Variants in KCNC1 observed in about 807,000 individuals in gnomAD.
KCNC1 encodes the protein potassium voltage-gated channel subfamily C member 1.
A neutral mutation model predicts 43.4 loss-of-function variants in KCNC1; 8 were observed. That is an observed-to-expected ratio of 0.18 (90% CI 0.11 to 0.33). The LOEUF is 0.33. Ranked by LOEUF, KCNC1 falls within the 10% of genes least tolerant of loss-of-function variation. The pLI, the probability that KCNC1 is intolerant of heterozygous loss-of-function variation, is 1.00. For synonymous variants in KCNC1, 361 were observed against 360.5 expected, an observed-to-expected ratio of 1.00 and a Z score of -0.01; for missense variants, 420 against 836.0, an observed-to-expected ratio of 0.50 and a Z score of 6.14.
intron 1 of KCNC1, among the ~76,000 whole-genome samples, chr11:17,768,949 A>T (rs1849190444): frequency 6.6e-6 from 1 of 152,188 alleles, no homozygotes; most frequent in Non-Finnish European, 1.5e-5. Context: ...GGTGATGGAG[A>T]GAGCTCTGGA....
intron 1 of KCNC1, among the ~76,000 whole-genome samples, chr11:17,758,313 A>T (rs572449849): frequency 8.4e-4 from 128 of 152,330 alleles, no homozygotes; most frequent in African/African-American, 2.9e-3. Flanking sequence ...TGCTATTTTC[A>T]TCACATCTGC....
chr11:17,753,695 C>T lies in KCNC1; in HGVS notation c.570+17123C>T, dbSNP rs182203354. Among the ~76,000 whole-genome samples the T allele has an allele frequency of 2.1e-3, 297 of 141,632 alleles. 1 individual carries two copies. The highest frequency in any genetic ancestry group is 7.0e-3 in the Middle Eastern group (2 of 286). 92.9% of individuals were successfully genotyped at this position (141,632 alleles called of 152,430 possible). On this transcript the variant is annotated intron_variant, in intron 1 of 3. Transcript: ENST00000265969. ...AGCCCAGGCTGGCTGGGCCAGGCCCCGGCGTGGGGGGTGGGGAGGGGGCGG... is the reference window on the plus strand; with the variant it reads ...AGCCCAGGCTGGCTGGGCCAGGCCCTGGCGTGGGGGGTGGGGAGGGGGCGG...
At chr11:17,750,736 G>T (rs533462743) in intron 1 of KCNC1, among the ~76,000 whole-genome samples, 1 of 152,230 alleles carries the variant, frequency 6.6e-6, no homozygotes, top group South Asian at 2.1e-4. Flanking sequence ...CACTGAGAAT[G>T]CCCACTCCTC....
At chr11:17,752,700 T>C (rs1391856815) in intron 1 of KCNC1, among the ~76,000 whole-genome samples, 2 of 152,356 alleles carry the variant, frequency 1.3e-5, no homozygotes, top group Middle Eastern at 3.4e-3. Context: ...CACTTCCCGG[T>C]TGTATGACCA....
rs1012184305 is a variant in KCNC1, at chr11:17,782,556, C to G, written c.*822C>G. 2 of 152,108 alleles carry G rather than the reference C, an allele frequency of 1.3e-5. No homozygotes were observed. Among genetic ancestry groups the G allele is most frequent in the African/African-American group, 4.8e-5 (2 of 41,406 alleles). 9.4% of individuals were successfully genotyped at this position (152,108 alleles called of 1,614,324 possible). On this transcript the variant is annotated 3_prime_UTR_variant, in exon 4 of 4. Coordinates refer to ENST00000265969, the MANE Select transcript of KCNC1 (RefSeq NM_001112741.2). ...CCACCGTATGGATTTTCCAAGTGTT[C>G]CATTAAAACCAGGATGTAGAGCACC... is the stretch of plus-strand genomic sequence containing the variant.
In KCNC1 at chr11:17,777,630, G is replaced by A; in HGVS notation, c.1505-1826G>A. On this transcript the variant is annotated intron_variant, in intron 2 of 3. Transcript: ENST00000265969. The surrounding 1 kb of genome is among the most constrained non-coding windows in gnomAD (Gnocchi z 4.3). ...GACGCCCCGGCCCCAGTCACATGGTGTCAGAGTTACCTTGGCAACTGGCCT... is the reference window on the plus strand; with the variant it reads ...GACGCCCCGGCCCCAGTCACATGGTATCAGAGTTACCTTGGCAACTGGCCT... 6.1e-6 allele frequency: 6 copies of A among 985,940 alleles called. No homozygotes were observed. The highest frequency in any genetic ancestry group is 7.2e-6 in the Non-Finnish European group (6 of 829,964). The allele number at this position is 985,940 out of a possible 1,614,324, so 61.1% of individuals were successfully genotyped here.
chr11:17,739,758 A>G lies in KCNC1; in HGVS notation c.570+3186A>G, dbSNP rs1174207876. Among the ~76,000 whole-genome samples, 3 of 151,732 alleles carry G rather than the reference A, an allele frequency of 2.0e-5. No homozygotes were observed. Among genetic ancestry groups the G allele is most frequent in the Non-Finnish European group, 4.4e-5 (3 of 67,914 alleles). ...TGTGGGGTGGGGGTCCCTGTGTGTGACAGACTGTATGTGAAGGTGTGTGTA... is the reference window on the plus strand; with the variant it reads ...TGTGGGGTGGGGGTCCCTGTGTGTGGCAGACTGTATGTGAAGGTGTGTGTA... On this transcript the variant is annotated intron_variant, in intron 1 of 3. Coordinates refer to ENST00000265969, the MANE Select transcript of KCNC1 (RefSeq NM_001112741.2). The surrounding 1 kb of genome is among the most constrained non-coding windows in gnomAD (Gnocchi z 4.2).
chr11:17,738,981 C>T (rs1022593033), intron 1 of KCNC1, among the ~76,000 whole-genome samples: 7 of 152,194 alleles, frequency 4.6e-5, no homozygotes, highest in Non-Finnish European at 1.0e-4. Context: ...CAAGGGCACT[C>T]GGGAGCTGAG....
chr11:17,767,647 A>G (rs1010606797), intron 1 of KCNC1, among the ~76,000 whole-genome samples: 1 of 152,228 alleles, frequency 6.6e-6, no homozygotes, highest in Non-Finnish European at 1.5e-5. Context: ...CTTCCTCCAC[A>G]GCACTCTAAG....
intron 1 of KCNC1, among the ~76,000 whole-genome samples, chr11:17,738,609 C>T (rs1848798000): frequency 6.6e-6 from 1 of 152,236 alleles, no homozygotes; most frequent in Non-Finnish European, 1.5e-5. Flanking sequence ...TTCCAACCCC[C>T]TCCCCTGGCC....
chr11:17,775,747 C>G (rs763211449), intron 2 of KCNC1: 3 of 985,776 alleles, frequency 3.0e-6, no homozygotes, highest in South Asian at 9.4e-5. Context: ...CAGGGTCCCA[C>G]GTCAGTGAGC....
At position 17,776,779 on chromosome 11, in the gene KCNC1, TTCCC is replaced by T. The variant is rs1849293385; in HGVS notation, c.1505-2676_1505-2673del. On this transcript the variant is annotated intron_variant, in intron 2 of 3. Coordinates refer to ENST00000265969, the MANE Select transcript of KCNC1 (RefSeq NM_001112741.2). The surrounding 1 kb of genome is among the most constrained non-coding windows in gnomAD (Gnocchi z 4.4). ...TCACACCTTTGACCCTATTCATGGGTTCCCCAGATTTATACAGTTGGCCCCTCGT... is the reference window on the plus strand; with the variant it reads ...TCACACCTTTGACCCTATTCATGGGTCAGATTTATACAGTTGGCCCCTCGT... 1 of 984,526 alleles carries T rather than the reference TTCCC, an allele frequency of 1.0e-6. No homozygotes were observed. Among genetic ancestry groups the T allele is most frequent in the African/African-American group, 1.8e-5 (1 of 56,948 alleles). 61.0% of individuals were successfully genotyped at this position (984,526 alleles called of 1,614,324 possible). A position where few individuals can be genotyped will look rare whatever the true frequency, so the allele number is the denominator to read the frequency against.
rs760566813 is a variant in KCNC1 at position 17,777,611 on chromosome 11, C to G, written c.1505-1845C>G. The G allele has an allele frequency of 7.2e-5, 71 of 985,888 alleles. No homozygotes were observed. The highest frequency in any genetic ancestry group is 6.1e-4 in the Admixed American group (10 of 16,294). The allele number at this position is 985,888 out of a possible 1,614,324, so 61.1% of individuals were successfully genotyped here. ...CATGCCCCAAGACCCCAGAGACGCC[C>G]CGGCCCCAGTCACATGGTGTCAGAG... On this transcript the variant is annotated intron_variant, in intron 2 of 3. Transcript: ENST00000265969. The surrounding 1 kb of genome is among the most constrained non-coding windows in gnomAD (Gnocchi z 4.3).
At chr11:17,754,136 C>G (rs1321817323) in intron 1 of KCNC1, among the ~76,000 whole-genome samples, 1 of 152,224 alleles carries the variant, frequency 6.6e-6, no homozygotes, top group Non-Finnish European at 1.5e-5. Flanking sequence ...TGCCTGCTGC[C>G]AGTGTAGACA....
In KCNC1 at chr11:17,739,787, C is replaced by T. The variant is rs146072118; in HGVS notation, c.570+3215C>T. On this transcript the variant is annotated intron_variant, in intron 1 of 3. Transcript: ENST00000265969. This position sits in a 1 kb window ranked among gnomAD's most constrained non-coding sequence, Gnocchi z 4.2. The stretch of plus-strand genomic sequence containing the variant: ...ACTGTATGTGAAGGTGTGTGTAAGA[C>T]AGAGATTGTGTGTGAAATCCTGTGT... 3.3e-4 allele frequency among the ~76,000 whole-genome samples: 50 copies of T among 151,560 alleles called. No individual in the cohort carries two copies. The highest frequency in any genetic ancestry group is 6.6e-4 in the Admixed American group (10 of 15,218).
chr11:17,737,994 T>C (rs1025589394), intron 1 of KCNC1, among the ~76,000 whole-genome samples: 1 of 149,880 alleles, frequency 6.7e-6, no homozygotes, highest in Non-Finnish European at 1.5e-5. Context: ...AAAAACAGTA[T>C]GGTATGTCGG....
Position 17,771,833 on chromosome 11 carries a change from T to C in KCNC1, c.739T>C (p.Tyr247His). 6.2e-7 allele frequency: 1 copy of C among 1,614,192 alleles called. No homozygotes were observed. The highest frequency in any genetic ancestry group is 1.3e-5 in the African/African-American group (1 of 75,066). Residue 247 changes from tyrosine to histidine, a missense_variant, in exon 2 of 4, where the codon TAC becomes CAC. By Grantham distance (83) the Tyr-to-His change is moderately conservative. Coordinates refer to ENST00000265969, the MANE Select transcript of KCNC1 (RefSeq NM_001112741.2). The surrounding 1 kb of genome is among the most constrained non-coding windows in gnomAD (Gnocchi z 4.7). The part of the protein sequence containing the change: ...REAETEAFLT[Y>H]IEGVCVVWFT... The stretch of plus-strand genomic sequence containing the variant: ...GGCCGAGACGGAGGCCTTCCTTACC[T>C]ACATCGAGGGCGTCTGTGTGGTCTG...
At chr11:17,778,242 G>A (rs887898673) in intron 2 of KCNC1, among the ~76,000 whole-genome samples, 11 of 152,306 alleles carry the variant, frequency 7.2e-5, no homozygotes, top group African/African-American at 2.6e-4. Context: ...AGGCTTCCAC[G>A]GCTCTGCTCC....
At chr11:17,744,691 A>G (rs942026531) in intron 1 of KCNC1, among the ~76,000 whole-genome samples, 13 of 151,826 alleles carry the variant, frequency 8.6e-5, no homozygotes, top group East Asian at 5.8e-4. Flanking sequence ...GCCAACTTCT[A>G]TGGTGTAGGG....
Sources: gnomAD v4.1 joint callset for allele counts (sites outside exome capture counted in the v4.1 genomes callset) on GRCh38, gnomAD v4.1.1 for gene constraint, Gnocchi (gnomAD v3.1) non-coding constraint, MANE v1.5 for transcripts, NCBI Gene and HGNC (gene_info 2026-07-23, HGNC 2026-07-21) for gene names.